NTM: variants seen among roughly 807,000 people sequenced by gnomAD.
NTM encodes the protein neurotrimin.
NTM carries 13 observed loss-of-function variants against 42.1 expected under a neutral mutation model. The ratio of observed to expected loss-of-function variants is 0.31; its 90% CI spans 0.20 to 0.49. NTM has a LOEUF of 0.49. NTM is among the 20% of genes least tolerant of loss of function. The probability of loss-of-function intolerance (pLI) is 0.99; values close to 1 mark genes in which losing one functional copy is unlikely to be tolerated. For missense variants in NTM, 373 were observed against 452.8 expected (o/e 0.82, Z 1.60); for synonymous variants, 187 against 179.2 (o/e 1.04, Z -0.35).
At chr11:131,768,004 G>C (rs2085398633) in intron 1 of NTM, among the ~76,000 whole-genome samples, 1 of 152,058 alleles carries the variant, frequency 6.6e-6, no homozygotes, top group Non-Finnish European at 1.5e-5. Flanking sequence ...CATGGATCAG[G>C]CTATTTGAGG....
chr11:131,431,486 C>T (rs1052839429), intron 1 of NTM, among the ~76,000 whole-genome samples: 1 of 152,200 alleles, frequency 6.6e-6, no homozygotes, highest in Non-Finnish European at 1.5e-5. Flanking sequence ...TGTCCTCTCA[C>T]CCAGTGCCCA....
At chr11:131,871,935 A>G (rs188741629) in intron 1 of NTM, among the ~76,000 whole-genome samples, 8 of 152,260 alleles carry the variant, frequency 5.3e-5, no homozygotes, top group African/African-American at 1.9e-4. Flanking sequence ...CAGTCCTAAA[A>G]TTTGGAGGAA....
At chr11:131,649,667 G>T (rs2066222003) in intron 1 of NTM, among the ~76,000 whole-genome samples, 1 of 152,140 alleles carries the variant, frequency 6.6e-6, no homozygotes, top group Admixed American at 6.6e-5. Context: ...TGTGTGTTTG[G>T]GTGGGGGGAG....
chr11:132,296,863 C>T lies in NTM; in HGVS notation c.527-10826C>T, dbSNP rs569488691. On this transcript the variant is annotated intron_variant, in intron 4 of 8. Transcript: ENST00000683400. ...GGCATTCAAAAGTAAGTGGGCAGAGCCCATGCACGTGTTTCCAGCAGGATG... is the reference window on the plus strand; with the variant it reads ...GGCATTCAAAAGTAAGTGGGCAGAGTCCATGCACGTGTTTCCAGCAGGATG... Among the ~76,000 whole-genome samples the T allele has an allele frequency of 1.6e-4, 24 of 152,346 alleles. No homozygotes were observed. In the South Asian group the frequency reaches 4.8e-3, roughly 30 times the overall value.
intron 1 of NTM, among the ~76,000 whole-genome samples, chr11:131,730,633 T>G (rs1441885676): frequency 5.3e-5 from 8 of 151,722 alleles, no homozygotes; most frequent in Non-Finnish European, 1.0e-4. Flanking sequence ...GCTGGGGGAT[T>G]GTTCGAGCCT....
rs139559148 is a variant in NTM at position 132,155,534 on chromosome 11, C to T, written c.400+9020C>T. 3.9e-3 allele frequency among the ~76,000 whole-genome samples: 588 copies of T among 152,208 alleles called. 4 individuals are homozygous for T. Among genetic ancestry groups the T allele is most frequent in the African/African-American group, 0.011 (436 of 41,458 alleles). ...CCGTTTCTCCAGCCTCAGCCGCCTC[C>T]GCGGAGCTCTATTGCTCCTGGCTTT... On this transcript the variant is annotated intron_variant, in intron 3 of 8. Coordinates refer to ENST00000683400, the MANE Select transcript of NTM (RefSeq NM_001352005.2).
At chr11:132,010,411 C>T (rs1375716034) in intron 2 of NTM, among the ~76,000 whole-genome samples, 1 of 152,202 alleles carries the variant, frequency 6.6e-6, no homozygotes, top group Non-Finnish European at 1.5e-5. Context: ...TCCCTGGCTG[C>T]TCTTCCCAGA....
At chr11:131,569,685 T>A (rs1266568355) in intron 1 of NTM, among the ~76,000 whole-genome samples, 1 of 150,400 alleles carries the variant, frequency 6.6e-6, no homozygotes, top group Non-Finnish European at 1.5e-5. Context: ...TCAAGCAATC[T>A]TCCCTCCTCA....
intron 1 of NTM, among the ~76,000 whole-genome samples, chr11:131,452,223 T>C (rs145606327): frequency 3.1e-4 from 47 of 152,356 alleles, no homozygotes; most frequent in African/African-American, 1.1e-3. Flanking sequence ...TGGCAGTGCC[T>C]GGACTCCCAA....
intron 1 of NTM, among the ~76,000 whole-genome samples, chr11:131,812,682 G>A (rs746913): frequency 0.025 from 3,738 of 152,050 alleles, 154 homozygotes; most frequent in African/African-American, 0.087. Flanking sequence ...GAGGGGAGCT[G>A]TCTGATAAAC....
At chr11:132,069,383 G>A (rs1205348526) in intron 2 of NTM, among the ~76,000 whole-genome samples, 10 of 101,124 alleles carry the variant, frequency 9.9e-5, no homozygotes, top group South Asian at 2.7e-4. Context: ...TAGTTAACAC[G>A]TCACTCAGCC....
At chr11:131,751,679 G>T (rs1307823044) in intron 1 of NTM, among the ~76,000 whole-genome samples, 1 of 151,918 alleles carries the variant, frequency 6.6e-6, no homozygotes, top group East Asian at 1.9e-4. Context: ...AAAATCGCTT[G>T]AACCCGGGAG....
chr11:131,476,580 G>T (rs1952962613), intron 1 of NTM, among the ~76,000 whole-genome samples: 1 of 152,174 alleles, frequency 6.6e-6, no homozygotes, highest in Non-Finnish European at 1.5e-5. Context: ...TATAACCTGT[G>T]ATGAGAGGGG....
chr11:131,915,741 C>T (rs1050543579), intron 2 of NTM, among the ~76,000 whole-genome samples: 7 of 152,170 alleles, frequency 4.6e-5, no homozygotes, highest in African/African-American at 1.7e-4. Context: ...GCACATTTTA[C>T]ACGGCGGCAG....
chr11:132,221,178 A>T (rs2085093132), intron 4 of NTM, among the ~76,000 whole-genome samples: 1 of 152,150 alleles, frequency 6.6e-6, no homozygotes, highest in Non-Finnish European at 1.5e-5. Flanking sequence ...TTGACCCATG[A>T]CGACTGCCTT....
chr11:132,031,670 C>T (rs902203431), intron 2 of NTM, among the ~76,000 whole-genome samples: 2 of 152,226 alleles, frequency 1.3e-5, no homozygotes, highest in East Asian at 1.9e-4. Context: ...CTTGAGATAC[C>T]TCTTAGGCTT....
intron 2 of NTM, among the ~76,000 whole-genome samples, chr11:132,069,042 T>C (rs1790173): frequency 0.42 from 63,205 of 151,710 alleles, 14,010 homozygotes; most frequent in African/African-American, 0.58. Flanking sequence ...CAAGTTAACA[T>C]GTCAAACTGA....
intron 3 of NTM, among the ~76,000 whole-genome samples, chr11:132,180,790 A>G (rs546598973): frequency 6.6e-6 from 1 of 152,188 alleles, no homozygotes; most frequent in Non-Finnish European, 1.5e-5. Context: ...AGCCTTAGAG[A>G]ATGAAGAACT....
chr11:131,371,204 T>C lies in NTM; in HGVS notation c.82+316T>C, dbSNP rs373432996. On this transcript the variant is annotated intron_variant, in intron 1 of 8. Coordinates refer to ENST00000683400, the MANE Select transcript of NTM (RefSeq NM_001352005.2). ...GCACACATACACAACGGAGCACACA[T>C]GTAAGCAGGGGGAAATGACAGATTC... is the stretch of plus-strand genomic sequence containing the variant. 196 of 585,116 alleles carry C rather than the reference T, an allele frequency of 3.3e-4. 3 individuals carry two copies. The South Asian group carries it at 0.013, about 39-fold the overall frequency. 36.2% of individuals were successfully genotyped at this position (585,116 alleles called of 1,614,324 possible). A position where few individuals can be genotyped will look rare whatever the true frequency, so the allele number is the denominator to read the frequency against.
Sources: allele counts gnomAD v4.1 joint callset (sites outside exome capture counted in the v4.1 genomes callset), GRCh38; gene constraint gnomAD v4.1.1; transcripts MANE v1.5; gene names NCBI Gene and HGNC (gene_info 2026-07-23, HGNC 2026-07-21).